The following CNIH3 variants were observed in gnomAD, a reference collection of about 807,000 sequenced individuals.
The protein encoded by CNIH3 is protein cornichon homolog 3.
CNIH3 carries 14 observed loss-of-function variants against 24.1 expected under a neutral mutation model. That is an observed-to-expected ratio of 0.58 (90% CI 0.38 to 0.91). CNIH3 has a LOEUF of 0.91. Ranked by LOEUF, CNIH3 falls within the 40% of genes least tolerant of loss-of-function variation. The pLI is 0.00. For missense variants in CNIH3, 178 were observed against 196.8 expected (o/e 0.90, Z 0.57); for synonymous variants, 68 against 73.8 (o/e 0.92, Z 0.40).
chr1:224,630,349 G>C (rs1425062017), intron 1 of CNIH3, among the ~76,000 whole-genome samples: 1 of 152,162 alleles, frequency 6.6e-6, no homozygotes, highest in Non-Finnish European at 1.5e-5. Flanking sequence ...TAAGCTGGGG[G>C]TTGTTGGGGG....
At chr1:224,472,631 T>C (rs2102999015) in intron 1 of CNIH3, among the ~76,000 whole-genome samples, 1 of 152,280 alleles carries the variant, frequency 6.6e-6, no homozygotes, top group African/African-American at 2.4e-5. Context: ...TTTGGGGACC[T>C]GGGGAAAAGG....
chr1:224,449,047 C>T (rs1675279450), intron 1 of CNIH3, among the ~76,000 whole-genome samples: 1 of 151,286 alleles, frequency 6.6e-6, no homozygotes, highest in South Asian at 2.1e-4. Flanking sequence ...TCACTGCAAC[C>T]TCCGCCTCTC....
chr1:224,535,042 C>T (rs1392490111), intron 2 of CNIH3, among the ~76,000 whole-genome samples: 4 of 152,154 alleles, frequency 2.6e-5, no homozygotes, highest in East Asian at 1.9e-4. Flanking sequence ...ATTGTGTCTG[C>T]CCCCAAAAAA....
At chr1:224,478,975 G>A (rs1027511237) in intron 1 of CNIH3, among the ~76,000 whole-genome samples, 9 of 151,816 alleles carry the variant, frequency 5.9e-5, no homozygotes, top group East Asian at 1.9e-4. Context: ...AGACCTGCCC[G>A]CATGATTCAA....
At chr1:224,526,798 C>T (rs750869092) in intron 2 of CNIH3, among the ~76,000 whole-genome samples, 6 of 152,148 alleles carry the variant, frequency 3.9e-5, no homozygotes, top group Non-Finnish European at 7.4e-5. Context: ...ATAGCGATGG[C>T]TTCTGCTTCC....
intron 1 of CNIH3, among the ~76,000 whole-genome samples, chr1:224,628,387 C>G (rs575242978): frequency 6.6e-6 from 1 of 152,238 alleles, no homozygotes; most frequent in East Asian, 2.0e-4. Context: ...ATCTCCAGAA[C>G]TTTTTCCCCT....
chr1:224,527,545 C>T (rs549414200), intron 2 of CNIH3, among the ~76,000 whole-genome samples: 11 of 152,266 alleles, frequency 7.2e-5, no homozygotes, highest in African/African-American at 2.6e-4. Context: ...ACTTTGCTAC[C>T]AGTTACTCCA....
intron 1 of CNIH3, among the ~76,000 whole-genome samples, chr1:224,631,148 G>C (rs1262772815): frequency 6.6e-6 from 1 of 152,072 alleles, no homozygotes; most frequent in South Asian, 2.1e-4. Context: ...GGGCGACAGA[G>C]TGAGACTCCA....
intron 1 of CNIH3, among the ~76,000 whole-genome samples, chr1:224,465,798 C>T (rs1676130804): frequency 6.6e-6 from 1 of 152,152 alleles, no homozygotes; most frequent in Non-Finnish European, 1.5e-5. Context: ...GAGGCTGAGG[C>T]AGGCAGATCA....
chr1:224,532,915 A>G (rs756506768), intron 2 of CNIH3, among the ~76,000 whole-genome samples: 1 of 152,212 alleles, frequency 6.6e-6, no homozygotes, highest in Non-Finnish European at 1.5e-5. Flanking sequence ...ACAGATGAGG[A>G]CATTGAGGCT....
intron 1 of CNIH3, among the ~76,000 whole-genome samples, chr1:224,650,156 C>T (rs574053717): frequency 6.6e-6 from 1 of 152,278 alleles, no homozygotes; most frequent in South Asian, 2.1e-4. Context: ...ATTCTCTTAA[C>T]TAGTGACCAC....
chr1:224,644,945 T>A (rs1684532171), intron 1 of CNIH3, among the ~76,000 whole-genome samples: 1 of 152,196 alleles, frequency 6.6e-6, no homozygotes, highest in Middle Eastern at 3.2e-3. Flanking sequence ...ATGCAGGTAG[T>A]GGCTGAGATC....
chr1:224,481,288 G>T (rs951396388), intron 1 of CNIH3, among the ~76,000 whole-genome samples: 2 of 152,190 alleles, frequency 1.3e-5, no homozygotes, highest in East Asian at 3.9e-4. Flanking sequence ...AGATTTAGGT[G>T]GGAACACAGC....
At chr1:224,438,953 G>A (rs1674779574) in intron 1 of CNIH3, among the ~76,000 whole-genome samples, 1 of 152,180 alleles carries the variant, frequency 6.6e-6, no homozygotes, top group Admixed American at 6.5e-5. Context: ...ATTTGAGGCA[G>A]CTAAATGCAG....
At chr1:224,438,258 A>G (rs1674753820) in intron 1 of CNIH3, among the ~76,000 whole-genome samples, 1 of 148,512 alleles carries the variant, frequency 6.7e-6, no homozygotes, top group Non-Finnish European at 1.5e-5. Context: ...CAGTCTCATT[A>G]TGTTGCCCAG....
At position 224,654,815 on chromosome 1, in the gene CNIH3, T is replaced by A. The variant is rs1386435873; in HGVS notation, c.82-26143T>A. Among the ~76,000 whole-genome samples, 3 of 152,184 alleles carry A rather than the reference T, an allele frequency of 2.0e-5. No individual in the cohort carries two copies. In the East Asian group the frequency reaches 5.8e-4, roughly 29 times the overall value. ...TAACAAGTAGTACCTGCTTTGAAAC[T>A]TTTCTAGGCCAAACTAATTCCAATC... On this transcript the variant is annotated intron_variant, in intron 1 of 5. Coordinates refer to ENST00000272133, the MANE Select transcript of CNIH3 (RefSeq NM_152495.2).
At chr1:224,557,873 A>G (rs58482551) in intron 3 of CNIH3, among the ~76,000 whole-genome samples, 2,586 of 152,228 alleles carry the variant, frequency 0.017, 62 homozygotes, top group African/African-American at 0.055. Flanking sequence ...CATACACATA[A>G]TCCTATTCAG....
intron 3 of CNIH3, among the ~76,000 whole-genome samples, chr1:224,549,105 A>G (rs1173235017): frequency 1.3e-5 from 2 of 152,134 alleles, no homozygotes; most frequent in Non-Finnish European, 2.9e-5. Context: ...TATTACAAAT[A>G]TCAGAGCGAT....
At chr1:224,711,099 A>G (rs762148930) in intron 3 of CNIH3, among the ~76,000 whole-genome samples, 1 of 152,228 alleles carries the variant, frequency 6.6e-6, no homozygotes, top group Non-Finnish European at 1.5e-5. Flanking sequence ...AAACCCAGAG[A>G]AAAATGTTTT....
Sources: gnomAD v4.1 joint callset for allele counts (sites outside exome capture counted in the v4.1 genomes callset) on GRCh38, gnomAD v4.1.1 for gene constraint, MANE v1.5 for transcripts, NCBI Gene and HGNC (gene_info 2026-07-23, HGNC 2026-07-21) for gene names.